DLG2: variants seen among roughly 807,000 people sequenced by gnomAD.
DLG2 encodes the protein disks large homolog 2.
Under a neutral mutation model 132.5 loss-of-function variants are expected in DLG2, and 45 were observed. That is an observed-to-expected ratio of 0.34 (90% CI 0.27 to 0.44). The LOEUF (loss-of-function observed/expected upper bound fraction) is 0.44. Among genes scored for constraint, DLG2 ranks in the 20% least tolerant of loss-of-function variants. The pLI is 1.00. For synonymous variants in DLG2, 424 were observed against 419.6 expected (o/e 1.01, Z -0.13); for missense variants, 1,045 against 1,196.9 (o/e 0.87, Z 1.87).
At chr11:85,218,839 G>T (rs962065937) in intron 4 of DLG2, among the ~76,000 whole-genome samples, 2 of 152,108 alleles carry the variant, frequency 1.3e-5, no homozygotes, top group Admixed American at 1.3e-4. Context: ...TGGGAGATTA[G>T]ATAAAGAAAA....
intron 3 of DLG2, among the ~76,000 whole-genome samples, chr11:85,528,030 T>G (rs1202359591): frequency 6.6e-6 from 1 of 151,048 alleles, no homozygotes; most frequent in Non-Finnish European, 1.5e-5. Flanking sequence ...TTGATGGGAT[T>G]GTTTGTTTTT....
chr11:85,138,127 T>C (rs772592021), intron 5 of DLG2, among the ~76,000 whole-genome samples: 3 of 152,194 alleles, frequency 2.0e-5, no homozygotes, highest in Non-Finnish European at 4.4e-5. Flanking sequence ...CTTTTAATCA[T>C]GATATTCAAT....
chr11:85,109,221 C>T (rs1451541682), intron 6 of DLG2, among the ~76,000 whole-genome samples: 1 of 152,084 alleles, frequency 6.6e-6, no homozygotes, highest in African/African-American at 2.4e-5. Context: ...ATCTGCTGCA[C>T]AACTCCTTCA....
intron 9 of DLG2, among the ~76,000 whole-genome samples, chr11:84,159,250 A>C (rs1378789152): frequency 6.6e-6 from 1 of 152,232 alleles, no homozygotes; most frequent in Non-Finnish European, 1.5e-5. Flanking sequence ...AGGAAGGAAT[A>C]GATGTTAACA....
chr11:84,340,202 A>G (rs758540307), intron 7 of DLG2, among the ~76,000 whole-genome samples: 5 of 152,226 alleles, frequency 3.3e-5, no homozygotes, highest in Non-Finnish European at 7.4e-5. Context: ...CTCAGCCAAT[A>G]ATCTAAAATT....
chr11:84,000,691 A>G (rs1427295764), intron 11 of DLG2, among the ~76,000 whole-genome samples: 1 of 152,152 alleles, frequency 6.6e-6, no homozygotes, highest in African/African-American at 2.4e-5. Flanking sequence ...ACCGGGCAGG[A>G]GGAAATGCAA....
At chr11:83,879,742 CTTA>C (rs2154072987) in intron 15 of DLG2, among the ~76,000 whole-genome samples, 1 of 152,206 alleles carries the variant, frequency 6.6e-6, no homozygotes, top group East Asian at 1.9e-4. Context: ...TAATTGGGCA[CTTA>C]TTATACACCA....
chr11:85,078,112 A>G (rs985563355), intron 6 of DLG2, among the ~76,000 whole-genome samples: 103 of 151,484 alleles, frequency 6.8e-4, no homozygotes, highest in African/African-American at 2.4e-3. Context: ...CTATGGCCAT[A>G]GTAAAAAACC....
At chr11:84,888,405 C>T (rs1188218291) in intron 6 of DLG2, among the ~76,000 whole-genome samples, 9 of 152,076 alleles carry the variant, frequency 5.9e-5, no homozygotes, top group Non-Finnish European at 1.3e-4. Flanking sequence ...CCTGCTTGTT[C>T]TTGGTCCTTT....
intron 3 of DLG2, among the ~76,000 whole-genome samples, chr11:85,529,771 C>T (rs951127637): frequency 6.6e-6 from 1 of 152,100 alleles, no homozygotes. Context: ...ACTTTAGGTC[C>T]AGTGTCTCCA....
chr11:83,608,518 G>A (rs987448130), intron 19 of DLG2, among the ~76,000 whole-genome samples: 1 of 152,076 alleles, frequency 6.6e-6, no homozygotes, highest in Admixed American at 6.5e-5. Context: ...CCTGTAAAAT[G>A]TTGATTATCT....
At chr11:84,111,679 T>C (rs1431211265) in intron 9 of DLG2, among the ~76,000 whole-genome samples, 1 of 152,246 alleles carries the variant, frequency 6.6e-6, no homozygotes, top group Non-Finnish European at 1.5e-5. Flanking sequence ...TTTGAGAACC[T>C]GCTATCTGTT....
At chr11:85,231,220 G>C (rs1347430957) in intron 4 of DLG2, among the ~76,000 whole-genome samples, 1 of 151,910 alleles carries the variant, frequency 6.6e-6, no homozygotes, top group South Asian at 2.1e-4. Context: ...TGCACCAAAA[G>C]TTATGGAGGC....
chr11:84,336,265 G>A (rs951689515), intron 7 of DLG2, among the ~76,000 whole-genome samples: 2 of 152,138 alleles, frequency 1.3e-5, no homozygotes, highest in Non-Finnish European at 2.9e-5. Context: ...CACAACTGGA[G>A]GATAGCTGTT....
At chr11:84,348,305 G>A (rs148173581) in intron 7 of DLG2, among the ~76,000 whole-genome samples, 127 of 152,220 alleles carry the variant, frequency 8.3e-4, no homozygotes, top group African/African-American at 2.8e-3. Context: ...GCTCAAGGAC[G>A]TTAAGTAATT....
intron 7 of DLG2, among the ~76,000 whole-genome samples, chr11:84,443,161 T>C (rs1397631923): frequency 6.6e-6 from 1 of 152,118 alleles, no homozygotes; most frequent in Non-Finnish European, 1.5e-5. Context: ...GAATGTATAA[T>C]GTGCCTCTTC....
At chr11:85,567,740 G>C (rs1318100448) in intron 3 of DLG2, among the ~76,000 whole-genome samples, 2 of 152,108 alleles carry the variant, frequency 1.3e-5, no homozygotes, top group Non-Finnish European at 2.9e-5. Context: ...TCACTATTAA[G>C]TATGATGTTA....
At chr11:85,103,888 C>T (rs1391392544) in intron 6 of DLG2, among the ~76,000 whole-genome samples, 1 of 151,714 alleles carries the variant, frequency 6.6e-6, no homozygotes. Context: ...AAGACAAAAG[C>T]ATTAAAAATC....
intron 21 of DLG2, among the ~76,000 whole-genome samples, chr11:83,509,067 G>A (rs2094880126): frequency 6.6e-6 from 1 of 152,212 alleles, no homozygotes; most frequent in African/African-American, 2.4e-5. Flanking sequence ...ATGTTACGGG[G>A]TGAGGCCAGT....
Sources: allele counts gnomAD v4.1 joint callset (sites outside exome capture counted in the v4.1 genomes callset), GRCh38; gene constraint gnomAD v4.1.1; transcripts MANE v1.5; gene names NCBI Gene and HGNC (gene_info 2026-07-23, HGNC 2026-07-21).